The following TMEM71 variants were observed in gnomAD, a reference collection of about 807,000 sequenced individuals.
TMEM71 encodes transmembrane protein 71.
A neutral mutation model predicts 38.0 loss-of-function variants in TMEM71; 44 were observed. The ratio of observed to expected loss-of-function variants is 1.16; its 90% CI spans 0.91 to 1.49. TMEM71 has a LOEUF of 1.49. TMEM71 is among the 40% of genes most tolerant of loss of function. The probability of loss-of-function intolerance (pLI) is 0.00; values close to 1 mark genes in which losing one functional copy is unlikely to be tolerated. For missense variants in TMEM71, 367 were observed against 348.6 expected (o/e 1.05, Z -0.42); for synonymous variants, 133 against 122.5 (o/e 1.09, Z -0.56).
chr8:132,722,421 A>G (rs991400622), intron 6 of TMEM71, among the ~76,000 whole-genome samples: 1 of 152,218 alleles, frequency 6.6e-6, no homozygotes, highest in African/African-American at 2.4e-5. Context: ...TGTAGAGTTT[A>G]TGATAATGTA....
intron 7 of TMEM71, among the ~76,000 whole-genome samples, chr8:132,719,242 T>C (rs1437986116): frequency 6.6e-6 from 1 of 152,210 alleles, no homozygotes; most frequent in Non-Finnish European, 1.5e-5. Context: ...TTGTCTTGCC[T>C]TTTCTTGAAT....
chr8:132,765,767 A>C, the TMEM71 span, among the ~76,000 whole-genome samples: 1 of 150,796 alleles, frequency 6.6e-6, no homozygotes, highest in African/African-American at 2.4e-5. Context: ...TCTTTTTATT[A>C]TTATTATTAC....
chr8:132,753,309 G>C (rs1828826317), intron 3 of TMEM71, among the ~76,000 whole-genome samples: 1 of 152,076 alleles, frequency 6.6e-6, no homozygotes, highest in Admixed American at 6.5e-5. Flanking sequence ...TTGAATTCTT[G>C]GGGTGGTTTT....
At chr8:132,774,857 G>A in the TMEM71 span, among the ~76,000 whole-genome samples, 2 of 152,186 alleles carry the variant, frequency 1.3e-5, no homozygotes, top group Admixed American at 6.5e-5. Flanking sequence ...ATTCGTCTTT[G>A]TATTGTAAAG....
downstream of TMEM71, among the ~76,000 whole-genome samples, chr8:132,708,028 T>G (rs937575746): frequency 1.3e-5 from 2 of 152,210 alleles, no homozygotes; most frequent in African/African-American, 4.8e-5. Context: ...ATCAAATATA[T>G]ACATGAAATC....
intron 5 of TMEM71, among the ~76,000 whole-genome samples, chr8:132,729,449 C>G (rs764480510): frequency 1.3e-5 from 2 of 152,114 alleles, no homozygotes; most frequent in African/African-American, 4.8e-5. Context: ...GGTAAGAATT[C>G]GTGCCAGTTT....
chr8:132,761,220 T>C (rs773205923), upstream of TMEM71, among the ~76,000 whole-genome samples: 2 of 152,210 alleles, frequency 1.3e-5, no homozygotes, highest in Non-Finnish European at 2.9e-5. Context: ...GAGGTACCAC[T>C]GCATAGTGGA....
chr8:132,721,143 C>T (rs1268719208), intron 7 of TMEM71, among the ~76,000 whole-genome samples: 1 of 152,188 alleles, frequency 6.6e-6, no homozygotes, highest in African/African-American at 2.4e-5. Flanking sequence ...CTGGAGGATT[C>T]TAAGAGGCAG....
At chr8:132,718,113 T>C (rs1256803063) in intron 7 of TMEM71, among the ~76,000 whole-genome samples, 1 of 152,186 alleles carries the variant, frequency 6.6e-6, no homozygotes, top group Non-Finnish European at 1.5e-5. Context: ...TAACTGCTAA[T>C]GGGTAGAGGG....
chr8:132,761,262 A>T (rs1829289345), upstream of TMEM71, among the ~76,000 whole-genome samples: 1 of 151,948 alleles, frequency 6.6e-6, no homozygotes, highest in African/African-American at 2.4e-5. Context: ...ACAAGACAGA[A>T]ATTCAACCTG....
At chr8:132,725,672 A>T (rs1827105021) in intron 6 of TMEM71, among the ~76,000 whole-genome samples, 1 of 152,234 alleles carries the variant, frequency 6.6e-6, no homozygotes. Flanking sequence ...CCAGGACTTC[A>T]TAGCTTAGTG....
intron 7 of TMEM71, among the ~76,000 whole-genome samples, chr8:132,717,669 A>T (rs914816119): frequency 3.9e-5 from 6 of 152,214 alleles, no homozygotes; most frequent in Non-Finnish European, 8.8e-5. Context: ...GTGCAGTCCT[A>T]TTGGAAAACG....
intron 9 of TMEM71, among the ~76,000 whole-genome samples, chr8:132,712,459 C>T (rs1445329210): frequency 6.6e-6 from 1 of 152,050 alleles, no homozygotes; most frequent in Non-Finnish European, 1.5e-5. Flanking sequence ...TTCCAGGAGG[C>T]CCTCCCTGAA....
intron 7 of TMEM71, among the ~76,000 whole-genome samples, chr8:132,715,027 T>C (rs925450222): frequency 1.3e-5 from 2 of 152,080 alleles, no homozygotes; most frequent in South Asian, 4.1e-4. Flanking sequence ...GCATACCTAG[T>C]AGAATGGCTA....
intron 4 of TMEM71, among the ~76,000 whole-genome samples, chr8:132,751,173 A>C (rs1043856523): frequency 2.6e-5 from 4 of 152,066 alleles, no homozygotes; most frequent in African/African-American, 7.2e-5. Flanking sequence ...AACCCCTTTC[A>C]TCCAGCCCCT....
intron 6 of TMEM71, 127 bp from the exon 7 acceptor site, chr8:132,722,242 G>A: frequency 1.5e-6 from 1 of 681,868 alleles, no homozygotes; most frequent in Non-Finnish European, 2.6e-6. Context: ...ATGTATGTCA[G>A]TTCAAGCAAT....
chr8:132,714,465 C>T (rs760591457), intron 7 of TMEM71, among the ~76,000 whole-genome samples: 5 of 151,894 alleles, frequency 3.3e-5, no homozygotes, highest in South Asian at 2.1e-4. Flanking sequence ...GAGAACATAC[C>T]GTCTTTTCAA....
chr8:132,730,257 C>T (rs1253847031), intron 5 of TMEM71, among the ~76,000 whole-genome samples: 1 of 152,106 alleles, frequency 6.6e-6, no homozygotes, highest in African/African-American at 2.4e-5. Flanking sequence ...CATGCCTGGC[C>T]TTGAGTTAAA....
downstream of TMEM71, among the ~76,000 whole-genome samples, chr8:132,708,423 T>C (rs780013326): frequency 1.3e-5 from 2 of 152,206 alleles, no homozygotes; most frequent in Non-Finnish European, 2.9e-5. Context: ...CTTTATACAC[T>C]TGGAGGAGAA....
Sources: gnomAD v4.1 joint callset for allele counts (sites outside exome capture counted in the v4.1 genomes callset) on GRCh38, gnomAD v4.1.1 for gene constraint, MANE v1.5 for transcripts, NCBI Gene and HGNC (gene_info 2026-07-23, HGNC 2026-07-21) for gene names.